Variants in NRXN1 observed in about 807,000 individuals in gnomAD.
NRXN1 encodes neurexin-1.
A neutral mutation model predicts 150.9 loss-of-function variants in NRXN1; 39 were observed. The ratio of observed to expected loss-of-function variants is 0.26; its 90% CI spans 0.20 to 0.34. The LOEUF (loss-of-function observed/expected upper bound fraction) is 0.34. NRXN1 is among the 10% of genes least tolerant of loss of function. The pLI is 1.00. For synonymous variants in NRXN1, 924 were observed against 757.0 expected, an observed-to-expected ratio of 1.22 and a Z score of -3.62; for missense variants, 1,815 against 1,949.9, an observed-to-expected ratio of 0.93 and a Z score of 1.30.
chr2:50,408,143 CA>C (rs2082887735), intron 17 of NRXN1, among the ~76,000 whole-genome samples: 1 of 152,066 alleles, frequency 6.6e-6, no homozygotes, highest in African/African-American at 2.4e-5. Context: ...AAGATCTTAC[CA>C]TCTGGAATGG....
At chr2:50,010,081 A>C (rs1360282170) in intron 21 of NRXN1, among the ~76,000 whole-genome samples, 2 of 152,166 alleles carry the variant, frequency 1.3e-5, no homozygotes, top group African/African-American at 4.8e-5. Flanking sequence ...TCTGTCTTGA[A>C]AAAACAAACC....
chr2:50,479,015 C>G (rs1226322351), intron 15 of NRXN1, among the ~76,000 whole-genome samples: 1 of 152,200 alleles, frequency 6.6e-6, no homozygotes, highest in Non-Finnish European at 1.5e-5. Context: ...CTCATCAACA[C>G]TGTCTCAGTC....
chr2:50,623,634 T>C lies in NRXN1; in HGVS notation c.833-19A>G. ...TCTTTTCCTAGAGGAAAACAGATGA[T>C]ACATACATAAGTAAACAAATACACT... On this transcript the variant is annotated intron_variant, in intron 5 of 22. Transcript: ENST00000401669. 1 of 1,575,596 alleles carries C rather than the reference T, an allele frequency of 6.3e-7. No individual in the cohort carries two copies. Among genetic ancestry groups the C allele is most frequent in the South Asian group, 1.1e-5 (1 of 89,726 alleles).
chr2:50,635,016 C>G (rs1310710596), intron 5 of NRXN1, among the ~76,000 whole-genome samples: 1 of 152,122 alleles, frequency 6.6e-6, no homozygotes, highest in African/African-American at 2.4e-5. Context: ...TAGCATCTGG[C>G]TGCTCTAATC....
intron 21 of NRXN1, among the ~76,000 whole-genome samples, chr2:50,035,817 C>T (rs555787500): frequency 6.6e-6 from 1 of 152,182 alleles, no homozygotes; most frequent in South Asian, 2.1e-4. Flanking sequence ...AAATTATGTC[C>T]TGTCTCAAAA....
At chr2:50,916,198 T>C (rs550299022) in intron 5 of NRXN1, among the ~76,000 whole-genome samples, 12 of 151,014 alleles carry the variant, frequency 7.9e-5, no homozygotes, top group African/African-American at 2.7e-4. Context: ...TATATTATGA[T>C]AGTTATTTTG....
chr2:50,988,900 A>G (rs1455992434), intron 2 of NRXN1, among the ~76,000 whole-genome samples: 2 of 152,102 alleles, frequency 1.3e-5, no homozygotes, highest in South Asian at 4.1e-4. Flanking sequence ...GGGGAGATCA[A>G]GTGAGATCAC....
At chr2:50,055,698 T>A (rs1254750084) in intron 19 of NRXN1, among the ~76,000 whole-genome samples, 26 of 152,206 alleles carry the variant, frequency 1.7e-4, no homozygotes, top group Non-Finnish European at 4.4e-5. Context: ...GGAAAAGGCT[T>A]TGACAAAAGT....
chr2:50,258,798 A>C (rs765036650), intron 17 of NRXN1, among the ~76,000 whole-genome samples: 15 of 152,172 alleles, frequency 9.9e-5, no homozygotes, highest in Middle Eastern at 3.4e-3. Context: ...GGGTTATAAA[A>C]TAGAAGTGTT....
Position 51,027,608 on chromosome 2 carries a change from C to G in NRXN1, c.666G>C (p.Glu222Asp). Residue 222 changes from glutamate (E) to aspartate (D), a missense_variant, in exon 2 of 23, where the codon GAG (glutamate) becomes GAC (aspartate). Coordinates refer to ENST00000401669, the MANE Select transcript of NRXN1 (RefSeq NM_001330078.2). ...CGTTGAGGCACACCCCGCCCTCGCC[C>G]TCCTCGCCCGCCTCGCACGGGCTTC... ...GGGSPCEAGEEGEGGVCLNGG... is the reference protein window; with the variant it reads ...GGGSPCEAGEDGEGGVCLNGG... The G allele has an allele frequency of 6.3e-7, 1 of 1,594,958 alleles. No homozygotes were observed. Among genetic ancestry groups the G allele is most frequent in the Non-Finnish European group, 8.5e-7 (1 of 1,171,066 alleles).
chr2:50,828,109 T>G (rs1435873574), intron 5 of NRXN1, among the ~76,000 whole-genome samples: 1 of 151,794 alleles, frequency 6.6e-6, no homozygotes. Context: ...CCGTTCTCAA[T>G]GAGCTGTTGG....
chr2:50,110,726 A>G (rs1004964302), intron 18 of NRXN1, among the ~76,000 whole-genome samples: 4 of 152,144 alleles, frequency 2.6e-5, no homozygotes, highest in African/African-American at 9.7e-5. Context: ...CCATTATTGG[A>G]TAATAGTGGT....
chr2:50,888,443 T>G (rs569420798), intron 5 of NRXN1, among the ~76,000 whole-genome samples: 1 of 151,640 alleles, frequency 6.6e-6, no homozygotes, highest in Non-Finnish European at 1.5e-5. Flanking sequence ...CTGAAAGCAG[T>G]GAAAGTAGGA....
intron 18 of NRXN1, among the ~76,000 whole-genome samples, chr2:50,124,012 G>C (rs1558927302): frequency 6.6e-6 from 1 of 152,124 alleles, no homozygotes; most frequent in Non-Finnish European, 1.5e-5. Context: ...GGGATATCCA[G>C]GGGAGTGGCT....
intron 5 of NRXN1, among the ~76,000 whole-genome samples, chr2:50,850,642 A>G (rs935987574): frequency 2.6e-5 from 4 of 152,114 alleles, no homozygotes; most frequent in African/African-American, 9.7e-5. Flanking sequence ...CTGTTTTTTG[A>G]TGAGATTCAT....
At chr2:50,247,623 A>C (rs2066631701) in intron 17 of NRXN1, among the ~76,000 whole-genome samples, 1 of 152,118 alleles carries the variant, frequency 6.6e-6, no homozygotes, top group South Asian at 2.1e-4. Context: ...ATTGAAGGAC[A>C]TTCTAGAAAA....
intron 8 of NRXN1, among the ~76,000 whole-genome samples, chr2:50,612,129 G>T (rs1386468294): frequency 1.3e-5 from 2 of 152,110 alleles, no homozygotes; most frequent in Non-Finnish European, 2.9e-5. Context: ...ATTTGGGTGG[G>T]AGCTTAGTTT....
At chr2:50,819,602 C>A (rs1488483411) in intron 5 of NRXN1, among the ~76,000 whole-genome samples, 1 of 151,948 alleles carries the variant, frequency 6.6e-6, no homozygotes, top group East Asian at 1.9e-4. Flanking sequence ...TTCTAGAGAT[C>A]TTCCCTACAA....
At chr2:50,684,379 T>C (rs2104825135) in intron 5 of NRXN1, among the ~76,000 whole-genome samples, 1 of 152,152 alleles carries the variant, frequency 6.6e-6, no homozygotes, top group Non-Finnish European at 1.5e-5. Flanking sequence ...GGTGTATGCC[T>C]GTAGTCCCAG....
Sources: allele counts gnomAD v4.1 joint callset (sites outside exome capture counted in the v4.1 genomes callset), GRCh38; gene constraint gnomAD v4.1.1; transcripts MANE v1.5; gene names NCBI Gene and HGNC (gene_info 2026-07-23, HGNC 2026-07-21).